OR14I1: variants seen among roughly 807,000 people sequenced by gnomAD.
OR14I1 encodes olfactory receptor 14I1.
For missense variants in OR14I1, 279 were observed against 181.8 expected (o/e 1.53, Z -3.07); for synonymous variants, 118 against 71.1 (o/e 1.66, Z -3.32).
chr1:248,682,293 G>T, exon 1 of OR14I1: 1 of 740,936 alleles, frequency 1.3e-6, no homozygotes, highest in South Asian at 1.5e-5. Flanking sequence ...TCACTTTTGT[G>T]AGATTGTCCA....
At chr1:248,702,721 C>T in the OR14I1 span, among the ~76,000 whole-genome samples, 1,420 of 152,176 alleles carry the variant, frequency 9.3e-3, 22 homozygotes, top group African/African-American at 0.033. Flanking sequence ...GAGCAAATGC[C>T]AAAGCCAGAA....
chr1:248,682,297 T>C (rs1367317681), exon 1 of OR14I1: 1 of 735,768 alleles, frequency 1.4e-6, no homozygotes, highest in Non-Finnish European at 2.5e-6. Context: ...TTTTGTGAGA[T>C]TGTCCATTTG....
At chr1:248,686,530 A>G (rs759977881), upstream of OR14I1, among the ~76,000 whole-genome samples, 1 of 152,240 alleles carries the variant, frequency 6.6e-6, no homozygotes, top group African/African-American at 2.4e-5. Flanking sequence ...AGATCTCTCC[A>G]AAACTGATTA....
At chr1:248,682,695 T>G (rs1048573274), upstream of OR14I1, among the ~76,000 whole-genome samples, 1 of 152,210 alleles carries the variant, frequency 6.6e-6, no homozygotes, top group African/African-American at 2.4e-5. Context: ...ATAATTTGCT[T>G]TTCATACAAG....
chr1:248,695,208 G>A, the OR14I1 span, among the ~76,000 whole-genome samples: 14 of 146,578 alleles, frequency 9.6e-5, no homozygotes, highest in East Asian at 2.2e-3. Flanking sequence ...AAGTTTTTAC[G>A]AATTACTTTT....
chr1:248,685,106 G>A (rs554396094), upstream of OR14I1, among the ~76,000 whole-genome samples: 87 of 151,788 alleles, frequency 5.7e-4, no homozygotes, highest in Middle Eastern at 3.2e-3. Context: ...TAAATTGCTT[G>A]TAAAATTCAG....
chr1:248,680,364 G>A (rs929413138), downstream of OR14I1, among the ~76,000 whole-genome samples: 3 of 152,198 alleles, frequency 2.0e-5, no homozygotes, highest in African/African-American at 7.2e-5. Flanking sequence ...GTGCCTAATG[G>A]AGAGGTCAGC....
chr1:248,702,602 A>G, the OR14I1 span, among the ~76,000 whole-genome samples: 1 of 151,900 alleles, frequency 6.6e-6, no homozygotes, highest in Admixed American at 6.6e-5. Context: ...CTGTTCTCCC[A>G]GCTTCCAGCC....
rs373943738 is a variant in OR14I1 at position 248,681,891 on chromosome 1, C to T, written c.414G>A (p.Gly138=). The T allele has an allele frequency of 5.2e-5, 41 of 780,982 alleles. No homozygotes were observed. In the African/African-American group the frequency reaches 6.9e-4, roughly 13 times the overall value. The allele number at this position is 780,982 out of a possible 1,614,324, so 48.4% of individuals were successfully genotyped here. A position where few individuals can be genotyped will look rare whatever the true frequency, so the allele number is the denominator to read the frequency against. The change falls in exon 1 of 1, where the codon GGG becomes GGA. Residue 138 remains glycine (G), a synonymous_variant. Transcript: ENST00000342623. ...AGGTGGTGACTGCCATCTGATAGCACCCTCCTGATGTCATCACGGCTCTGT... is the reference window on the plus strand; with the variant it reads ...AGGTGGTGACTGCCATCTGATAGCATCCTCCTGATGTCATCACGGCTCTGT...
chr1:248,681,626 G>T, exon 1 of OR14I1: 1 of 780,966 alleles, frequency 1.3e-6, no homozygotes, highest in Non-Finnish European at 2.4e-6. Context: ...TGTCCTGAAG[G>T]GATTCTGAGC....
exon 1 of OR14I1, chr1:248,681,455 T>C (rs1348370172): frequency 2.6e-6 from 2 of 781,028 alleles, no homozygotes; most frequent in Admixed American, 3.4e-5. Context: ...ATGATGGGAT[T>C]GAGGAAGGGA....
At chr1:248,690,779 A>C in the OR14I1 span, among the ~76,000 whole-genome samples, 27 of 151,710 alleles carry the variant, frequency 1.8e-4, no homozygotes, top group Non-Finnish European at 2.7e-4. Context: ...ACACAACCAA[A>C]AAAAAAAAAA....
the OR14I1 span, chr1:248,691,849 G>C: frequency 3.9e-5 from 6 of 152,524 alleles, no homozygotes; most frequent in East Asian, 1.2e-3. Flanking sequence ...TGCCGGTCCA[G>C]CTGCTCCCGC....
downstream of OR14I1, among the ~76,000 whole-genome samples, chr1:248,679,555 C>T (rs1661525563): frequency 1.3e-5 from 2 of 152,254 alleles, no homozygotes; most frequent in Non-Finnish European, 2.9e-5. Flanking sequence ...TTGCCTCTTT[C>T]ATTAAGTGAT....
the OR14I1 span, among the ~76,000 whole-genome samples, chr1:248,698,171 C>T: frequency 6.6e-6 from 1 of 152,136 alleles, no homozygotes; most frequent in Non-Finnish European, 1.5e-5. Context: ...GTTGGTTGGT[C>T]TCTTGGATTC....
At chr1:248,688,976 T>C in the OR14I1 span, among the ~76,000 whole-genome samples, 3 of 152,202 alleles carry the variant, frequency 2.0e-5, no homozygotes, top group African/African-American at 7.2e-5. Flanking sequence ...TTGGGGGCTT[T>C]CTCTAGTAGG....
At chr1:248,686,457 GA>G (rs535878925), upstream of OR14I1, among the ~76,000 whole-genome samples, 90 of 152,110 alleles carry the variant, frequency 5.9e-4, no homozygotes, top group Non-Finnish European at 1.2e-3. Flanking sequence ...GAGCAACACT[GA>G]GGAACAAAAC....
At chr1:248,679,655 G>A (rs905165636), downstream of OR14I1, among the ~76,000 whole-genome samples, 1 of 152,082 alleles carries the variant, frequency 6.6e-6, no homozygotes, top group Non-Finnish European at 1.5e-5. Flanking sequence ...ACCTGCTCTG[G>A]TGGGACAGGT....
rs760905278 is a variant in OR14I1, at chr1:248,681,477, G to T, written c.828C>A (p.Tyr276Ter). Residue 276 changes from tyrosine to a stop codon, truncating the protein, a stop_gained, in exon 1 of 1, where the codon TAC becomes TAA. Coordinates refer to ENST00000342623, the Ensembl canonical transcript of OR14I1. LOFTEE classifies it low-confidence loss of function (END_TRUNC). Reference sequence around the variant, plus strand: ...GATTGAGGAAGGGAGGCAAAACTGTGTATGTCAGAGCAATCACTAAATCCT... The same window carrying T: ...GATTGAGGAAGGGAGGCAAAACTGTTTATGTCAGAGCAATCACTAAATCCT... The T allele has an allele frequency of 3.8e-6, 3 of 781,022 alleles. No homozygotes were observed. Among genetic ancestry groups the T allele is most frequent in the Non-Finnish European group, 7.2e-6 (3 of 418,116 alleles). 48.4% of individuals were successfully genotyped at this position (781,022 alleles called of 1,614,324 possible). A position where few individuals can be genotyped will look rare whatever the true frequency, so the allele number is the denominator to read the frequency against.
Sources: gnomAD v4.1 joint callset for allele counts (sites outside exome capture counted in the v4.1 genomes callset) on GRCh38, gnomAD v4.1.1 for gene constraint, MANE v1.5 for transcripts, NCBI Gene and HGNC (gene_info 2026-07-23, HGNC 2026-07-21) for gene names.